The following TMC3 variants were observed in gnomAD, a reference collection of about 807,000 sequenced individuals.
TMC3 encodes transmembrane channel-like protein 3.
TMC3 carries 98 observed loss-of-function variants against 110.6 expected under a neutral mutation model. The observed-to-expected ratio is 0.89, with a 90% CI of 0.75 to 1.05. The LOEUF (loss-of-function observed/expected upper bound fraction) is 1.05. TMC3 is among the 50% of genes least tolerant of loss of function. The pLI is 0.00. For synonymous variants in TMC3, 489 were observed against 513.1 expected (o/e 0.95, Z 0.63); for missense variants, 1,319 against 1,373.2 (o/e 0.96, Z 0.62).
chr15:81,339,466 A>T lies in TMC3; in HGVS notation c.1883T>A (p.Leu628Gln). The change falls in exon 17 of 22, where the codon CTG (leucine) becomes CAG (glutamine). Residue 628 changes from leucine (L) to glutamine (Q), a missense_variant. Leu to Gln is a moderately radical substitution (Grantham distance 113). Transcript: ENST00000359440. ...AATGGTTGGCAGCATGCACAGAAAC[A>T]GCATAAACAGGAGCATTGCCAAGTA... ...NFYLAMLLFM[L>Q]FLCMLPTIFA... 1 of 1,608,900 alleles carries T rather than the reference A, an allele frequency of 6.2e-7. No homozygotes were observed. Among genetic ancestry groups the T allele is most frequent in the Non-Finnish European group, 8.5e-7 (1 of 1,177,488 alleles).
At position 81,362,238 on chromosome 15, in the gene TMC3, T is replaced by C; in HGVS notation, c.376A>G (p.Arg126Gly). The C allele has an allele frequency of 6.2e-7, 1 of 1,611,138 alleles. No homozygotes were observed. The highest frequency in any genetic ancestry group is 8.5e-7 in the Non-Finnish European group (1 of 1,178,546). Reference protein sequence around the residue: ...FVVIFIPWEMRIKKIESHFGS... With the variant: ...FVVIFIPWEMGIKKIESHFGS... The stretch of plus-strand genomic sequence containing the variant: ...TACTTACTCTCGATTTTCTTTATCC[T>C]CATTTCCCAGGGAATGAAGATGACC... Residue 126 changes from arginine to glycine, a missense_variant, in exon 4 of 22, where the codon AGG becomes GGG. Physicochemically the swap from Arg to Gly is moderately radical, Grantham distance 125. Coordinates refer to ENST00000359440, the MANE Select transcript of TMC3 (RefSeq NM_001080532.3).
intron 10 of TMC3, among the ~76,000 whole-genome samples, chr15:81,350,513 ATCTT>A (rs1893924933): frequency 6.6e-6 from 1 of 152,236 alleles, no homozygotes. Context: ...TTCTGAATAT[ATCTT>A]TCAAAAACTA....
Position 81,372,606 on chromosome 15 carries a change from T to C in TMC3, c.221A>G (p.Lys74Arg), listed in dbSNP as rs747858522. The C allele has an allele frequency of 1.7e-5, 27 of 1,613,636 alleles. 1 individual carries two copies. The South Asian group carries it at 2.2e-4, about 13-fold the overall frequency. The change falls in exon 2 of 22, where the codon AAG (lysine) becomes AGG (arginine). Residue 74 changes from lysine (K) to arginine (R), a missense_variant. By Grantham distance (26) the Lys-to-Arg change is conservative. Transcript: ENST00000359440. ...IRCRPWTMGQ[K>R]LRALRQAKNI... ...AGGCCCTTACCTCAATGCCCTCAGC[T>C]TCTGTCCCATAGTCCAGGGTCTGCA...
intron 16 of TMC3, among the ~76,000 whole-genome samples, chr15:81,340,888 G>C (rs1893699651): frequency 6.6e-6 from 1 of 152,226 alleles, no homozygotes; most frequent in Non-Finnish European, 1.5e-5. Context: ...TCAGTGAGTT[G>C]AATCTCACAA....
chr15:81,368,533 T>C (rs892351326), intron 2 of TMC3, among the ~76,000 whole-genome samples: 1 of 152,174 alleles, frequency 6.6e-6, no homozygotes, highest in Non-Finnish European at 1.5e-5. Flanking sequence ...TTTTCTTTAA[T>C]ATTTAAATGG....
rs758169709 is a variant in TMC3, at chr15:81,346,427, A to G, written c.1210T>C (p.Leu404=). The G allele has an allele frequency of 6.2e-7, 1 of 1,613,584 alleles. No individual in the cohort carries two copies. Among genetic ancestry groups the G allele is most frequent in the Non-Finnish European group, 8.5e-7 (1 of 1,179,758 alleles). Residue 404 remains leucine, a synonymous_variant, in exon 12 of 22, where the codon TTG becomes CTG. Coordinates refer to ENST00000359440, the MANE Select transcript of TMC3 (RefSeq NM_001080532.3). ...FQLARVLVLY[L]GNLYSLIIAL... is the part of the protein sequence containing the mutation. ...ATGATCAGGCTGTAGAGATTTCCCAAATACAGCACAAGGACCCTGAAAGCC... is the reference window on the plus strand; with the variant it reads ...ATGATCAGGCTGTAGAGATTTCCCAGATACAGCACAAGGACCCTGAAAGCC...
At position 81,334,766 on chromosome 15, in the gene TMC3, G is replaced by A. The variant is rs370541588; in HGVS notation, c.2413C>T (p.Pro805Ser). The change falls in exon 21 of 22, where the codon CCT becomes TCT. Residue 805 changes from proline to serine, a missense_variant. Physicochemically the swap from Pro to Ser is moderately conservative, Grantham distance 74. Transcript: ENST00000359440. ...PRPGDRAPSS[P>S]LPGVPKSRLE... is the part of the protein sequence containing the mutation. The stretch of plus-strand genomic sequence containing the variant: ...CTGGATTTGGGGACCCCAGGGAGAG[G>A]TGAGCTAGGAGCCCTGTCCCCTGGC... 5.0e-6 allele frequency: 8 copies of A among 1,613,916 alleles called. No homozygotes were observed. In the African/African-American group the frequency reaches 8.0e-5, roughly 16 times the overall value.
At chr15:81,364,221 T>G (rs928940990) in intron 3 of TMC3, among the ~76,000 whole-genome samples, 2 of 152,092 alleles carry the variant, frequency 1.3e-5, no homozygotes, top group African/African-American at 4.8e-5. Flanking sequence ...GAACTCAGGT[T>G]AGAGAGCACT....
At chr15:81,336,013 A>G (rs754807213) in intron 20 of TMC3, 1 of 152,268 alleles carries the variant, frequency 6.6e-6, no homozygotes, top group Non-Finnish European at 1.5e-5. Context: ...ATCCACGTGA[A>G]TGTGCTGCTT....
At chr15:81,366,521 G>T (rs1894321030) in intron 3 of TMC3, among the ~76,000 whole-genome samples, 1 of 152,094 alleles carries the variant, frequency 6.6e-6, no homozygotes. Flanking sequence ...GTTTACTATT[G>T]CTAAAAGTCT....
rs535309102 is a variant in TMC3, at chr15:81,351,633, T to C, written c.1083+61A>G. The C allele has an allele frequency of 4.0e-5, 62 of 1,539,790 alleles. No homozygotes were observed. In the African/African-American group the frequency reaches 7.5e-4, roughly 19 times the overall value. On this transcript the variant is annotated intron_variant, in intron 10 of 21. Coordinates refer to ENST00000359440, the MANE Select transcript of TMC3 (RefSeq NM_001080532.3). ...TCCCAAAGTGCTGGGATTACAGGCA[T>C]CAGCCACTGTGCCCAGCTATGTCTC...
intron 7 of TMC3, among the ~76,000 whole-genome samples, 180 bp from the exon 8 acceptor site, chr15:81,356,774 A>G (rs1030617789): frequency 1.3e-5 from 2 of 152,222 alleles, no homozygotes; most frequent in Non-Finnish European, 2.9e-5. Flanking sequence ...TTGTGACCTC[A>G]GCAACACTTT....
chr15:81,334,714 C>G lies in TMC3; in HGVS notation c.2459+6G>C. 1 of 1,612,688 alleles carries G rather than the reference C, an allele frequency of 6.2e-7. No homozygotes were observed. The highest frequency in any genetic ancestry group is 8.5e-7 in the Non-Finnish European group (1 of 1,178,948). On this transcript the variant is annotated splice_donor_region_variant and intron_variant, in intron 21 of 21. Coordinates refer to ENST00000359440, the MANE Select transcript of TMC3 (RefSeq NM_001080532.3). Reference sequence around the variant, plus strand: ...GGTTTTAATCTGTGCTGCAGTGGAGCCTCACCTGTTAGTTTCATGCTCTAG... The same window carrying G: ...GGTTTTAATCTGTGCTGCAGTGGAGGCTCACCTGTTAGTTTCATGCTCTAG...
At chr15:81,345,947 G>T (rs971498020) in intron 12 of TMC3, among the ~76,000 whole-genome samples, 3 of 152,140 alleles carry the variant, frequency 2.0e-5, no homozygotes, top group Admixed American at 1.3e-4. Context: ...GCTGGGCTGG[G>T]ATAGTAAGTC....
At chr15:81,360,660 C>T (rs1015291123) in intron 4 of TMC3, among the ~76,000 whole-genome samples, 1 of 150,404 alleles carries the variant, frequency 6.6e-6, no homozygotes, top group Non-Finnish European at 1.5e-5. Context: ...TTAGCTGCAC[C>T]CTAGCTGAGT....
chr15:81,336,474 A>G (rs1893597259), intron 20 of TMC3, 135 bp downstream of exon 20: 5 of 769,464 alleles, frequency 6.5e-6, no homozygotes, highest in South Asian at 6.0e-5. Flanking sequence ...AGGCTGAGGC[A>G]GGAGAATCAC....
intron 2 of TMC3, among the ~76,000 whole-genome samples, chr15:81,368,556 A>G (rs1009505555): frequency 3.3e-5 from 5 of 152,178 alleles, no homozygotes; most frequent in Non-Finnish European, 5.9e-5. Context: ...ACATAATTCA[A>G]AATGATGAAT....
chr15:81,372,323 C>T (rs1894451683), intron 2 of TMC3, among the ~76,000 whole-genome samples: 1 of 150,468 alleles, frequency 6.6e-6, no homozygotes, highest in East Asian at 2.0e-4. Context: ...TCTTTATACT[C>T]TCTCTTTCTC....
At chr15:81,360,667 G>C (rs1894168648) in intron 4 of TMC3, among the ~76,000 whole-genome samples, 1 of 151,116 alleles carries the variant, frequency 6.6e-6, no homozygotes, top group Non-Finnish European at 1.5e-5. Context: ...CACCCTAGCT[G>C]AGTCTATCCC....
Sources: allele counts gnomAD v4.1 joint callset (sites outside exome capture counted in the v4.1 genomes callset), GRCh38; gene constraint gnomAD v4.1.1; transcripts MANE v1.5; gene names NCBI Gene and HGNC (gene_info 2026-07-23, HGNC 2026-07-21).